The following PLEKHA6 variants were observed in gnomAD, a reference collection of about 807,000 sequenced individuals.
The protein encoded by PLEKHA6 is pleckstrin homology domain containing A6.
PLEKHA6 carries 60 observed loss-of-function variants against 116.7 expected under a neutral mutation model. That is an observed-to-expected ratio of 0.51 (90% confidence interval 0.42 to 0.64). The LOEUF is 0.64. Among genes scored for constraint, PLEKHA6 ranks in the 30% least tolerant of loss-of-function variants. The pLI, the probability that PLEKHA6 is intolerant of heterozygous loss-of-function variation, is 0.00. For missense variants in PLEKHA6, 1,338 were observed against 1,422.7 expected, an observed-to-expected ratio of 0.94 and a Z score of 0.96; for synonymous variants, 489 against 556.1, an observed-to-expected ratio of 0.88 and a Z score of 1.70.
At chr1:204,267,367 T>A in intron 5 of PLEKHA6, 108 bp downstream of exon 5, 2 of 871,102 alleles carry the variant, frequency 2.3e-6, no homozygotes, top group Middle Eastern at 4.3e-4. Context: ...TGAGGAGATC[T>A]GCCCTGCTGG....
At chr1:204,266,384 C>A (rs1265372971) in intron 5 of PLEKHA6, among the ~76,000 whole-genome samples, 4 of 152,162 alleles carry the variant, frequency 2.6e-5, no homozygotes, top group Non-Finnish European at 5.9e-5. Context: ...GTTCTCAGCT[C>A]CTTGAGGTTC....
chr1:204,309,113 G>A (rs1375056059), intron 1 of PLEKHA6: 124 of 899,196 alleles, frequency 1.4e-4, no homozygotes, highest in Non-Finnish European at 1.6e-4. Flanking sequence ...ACAGTGCTCA[G>A]CATGTAGTGC....
At chr1:204,308,591 T>C (rs560491600) in intron 1 of PLEKHA6, among the ~76,000 whole-genome samples, 2 of 151,770 alleles carry the variant, frequency 1.3e-5, no homozygotes, top group African/African-American at 4.8e-5. Context: ...GTAACATGTA[T>C]ACAGGGGCAC....
chr1:204,336,853 C>A (rs1248904514), intron 1 of PLEKHA6, among the ~76,000 whole-genome samples: 3 of 152,200 alleles, frequency 2.0e-5, no homozygotes, highest in Non-Finnish European at 4.4e-5. Context: ...CCTGCTAGGG[C>A]TGTACCAGAA....
At chr1:204,237,984 T>A (rs1301544819) in intron 17 of PLEKHA6, among the ~76,000 whole-genome samples, 1 of 152,148 alleles carries the variant, frequency 6.6e-6, no homozygotes, top group African/African-American at 2.4e-5. Context: ...AGGGGTACAG[T>A]GGTATGGGGC....
intron 11 of PLEKHA6, 77 bp from the exon 12 acceptor site, chr1:204,249,047 T>C (rs1664178049): frequency 1.3e-6 from 2 of 1,545,556 alleles, no homozygotes; most frequent in Non-Finnish European, 1.8e-6. Context: ...GCCTGAGCCC[T>C]TAGAGGTTCA....
intron 1 of PLEKHA6, among the ~76,000 whole-genome samples, chr1:204,356,349 G>T (rs1558199761): frequency 6.6e-6 from 1 of 152,136 alleles, no homozygotes; most frequent in African/African-American, 2.4e-5. Flanking sequence ...GACGTGGGTG[G>T]ATCACTTGAG....
chr1:204,242,141 G>C (rs74138403), intron 15 of PLEKHA6, among the ~76,000 whole-genome samples: 3,766 of 152,216 alleles, frequency 0.025, 136 homozygotes, highest in African/African-American at 0.084. Context: ...GCCGGTGGGG[G>C]GTCTCTGAGG....
chr1:204,250,431 T>C (rs3795570), intron 10 of PLEKHA6, 115 bp downstream of exon 10: 4 of 737,836 alleles, frequency 5.4e-6, no homozygotes, highest in Non-Finnish European at 7.3e-6. Flanking sequence ...AGGAGAGAGA[T>C]AGATGGAGAG....
intron 1 of PLEKHA6, among the ~76,000 whole-genome samples, chr1:204,302,825 G>A (rs986894076): frequency 6.6e-5 from 10 of 151,928 alleles, no homozygotes; most frequent in Admixed American, 2.0e-4. Flanking sequence ...GTGGTGAGCC[G>A]ATATCAAGCC....
At chr1:204,230,241 G>A (rs1031854038) in intron 18 of PLEKHA6, among the ~76,000 whole-genome samples, 172 bp downstream of exon 18, 4 of 152,236 alleles carry the variant, frequency 2.6e-5, no homozygotes, top group Non-Finnish European at 5.9e-5. Flanking sequence ...ACACTTGAAG[G>A]ACTCTTCTGC....
intron 2 of PLEKHA6, among the ~76,000 whole-genome samples, chr1:204,370,660 G>A (rs2103413205): frequency 6.6e-6 from 1 of 152,292 alleles, no homozygotes; most frequent in South Asian, 2.1e-4. Context: ...TCCATAATCA[G>A]CAATGAATGT....
At chr1:204,345,008 G>A (rs757801278) in intron 1 of PLEKHA6, among the ~76,000 whole-genome samples, 8 of 152,284 alleles carry the variant, frequency 5.3e-5, no homozygotes, top group Middle Eastern at 3.4e-3. Context: ...GCGACTTACC[G>A]AGCACCAACT....
intron 1 of PLEKHA6, among the ~76,000 whole-genome samples, chr1:204,322,876 TC>T (rs1281670994): frequency 6.6e-6 from 1 of 152,198 alleles, no homozygotes; most frequent in East Asian, 1.9e-4. Flanking sequence ...CAAATTCCCT[TC>T]TTGTCCCATG....
chr1:204,311,366 C>T (rs1228178250), intron 1 of PLEKHA6: 2 of 152,276 alleles, frequency 1.3e-5, no homozygotes, highest in Non-Finnish European at 2.9e-5. Flanking sequence ...TGGCACATGC[C>T]TGTAATCCCA....
chr1:204,359,283 G>A (rs1673501379), intron 1 of PLEKHA6, among the ~76,000 whole-genome samples: 1 of 152,004 alleles, frequency 6.6e-6, no homozygotes, highest in Non-Finnish European at 1.5e-5. Context: ...GCTGACCTGA[G>A]CCTGACCCTG....
At chr1:204,325,225 C>T (rs1034577153) in intron 1 of PLEKHA6, among the ~76,000 whole-genome samples, 1 of 152,160 alleles carries the variant, frequency 6.6e-6, no homozygotes, top group African/African-American at 2.4e-5. Context: ...TCCCAGTTAT[C>T]TACAAGTTCA....
chr1:204,328,801 C>A (rs776348846), intron 1 of PLEKHA6, among the ~76,000 whole-genome samples: 1 of 152,186 alleles, frequency 6.6e-6, no homozygotes, highest in Non-Finnish European at 1.5e-5. Flanking sequence ...CAATAGCTGA[C>A]ATTTGTTGCA....
At chr1:204,322,510 A>G (rs1672099135) in intron 1 of PLEKHA6, among the ~76,000 whole-genome samples, 1 of 152,212 alleles carries the variant, frequency 6.6e-6, no homozygotes, top group African/African-American at 2.4e-5. Flanking sequence ...GCTGCCATCC[A>G]GCTTTTGCCA....
Sources: gnomAD v4.1 joint callset for allele counts (sites outside exome capture counted in the v4.1 genomes callset) on GRCh38, gnomAD v4.1.1 for gene constraint, MANE v1.5 for transcripts, NCBI Gene and HGNC (gene_info 2026-07-23, HGNC 2026-07-21) for gene names.